MIR2052HG: variants seen among roughly 807,000 people sequenced by gnomAD.
MIR2052HG encodes the protein MIR2052 host gene.
chr8:74,707,043 A>G (rs1328284538), intron 4 of MIR2052HG, among the ~76,000 whole-genome samples: 2 of 152,170 alleles, frequency 1.3e-5, no homozygotes, highest in Admixed American at 6.6e-5. Flanking sequence ...GTGTTTGTCA[A>G]TGTGACTAGT....
chr8:74,682,938 C>T (rs1037918146), intron 2 of MIR2052HG, among the ~76,000 whole-genome samples: 4 of 152,088 alleles, frequency 2.6e-5, no homozygotes, highest in African/African-American at 9.7e-5. Flanking sequence ...GAATGAACCA[C>T]AAACACAGAA....
At chr8:74,612,046 G>C (rs767154147) in intron 1 of MIR2052HG, among the ~76,000 whole-genome samples, 12 of 148,080 alleles carry the variant, frequency 8.1e-5, no homozygotes, top group Non-Finnish European at 1.5e-4. Context: ...TTATCTTCAA[G>C]TGCTCCACTT....
intron 4 of MIR2052HG, among the ~76,000 whole-genome samples, chr8:74,734,468 G>A (rs75914073): frequency 0.02 from 3,012 of 152,220 alleles, 91 homozygotes; most frequent in African/African-American, 0.063. Flanking sequence ...TGATTTCTGA[G>A]ATATCCAAGA....
intron 2 of MIR2052HG, among the ~76,000 whole-genome samples, chr8:74,674,162 GTGTGTA>G (rs1809026124): frequency 7.5e-6 from 1 of 133,806 alleles, no homozygotes; most frequent in African/African-American, 3.2e-5. Flanking sequence ...GTGTGTGTGT[GTGTGTA>G]TCATTTATCT....
At chr8:74,702,849 C>A (rs1044519919) in intron 3 of MIR2052HG, among the ~76,000 whole-genome samples, 1 of 152,016 alleles carries the variant, frequency 6.6e-6, no homozygotes, top group Non-Finnish European at 1.5e-5. Context: ...AAGGAAATAA[C>A]CCAAAGGTAA....
At chr8:74,733,266 G>A (rs1273323862) in intron 4 of MIR2052HG, among the ~76,000 whole-genome samples, 1 of 151,760 alleles carries the variant, frequency 6.6e-6, no homozygotes, top group Admixed American at 6.6e-5. Context: ...AGAGTGTGAT[G>A]TTCCCCTTCC....
At chr8:74,708,223 G>A (rs923549277) in intron 4 of MIR2052HG, among the ~76,000 whole-genome samples, 13 of 152,212 alleles carry the variant, frequency 8.5e-5, no homozygotes, top group African/African-American at 3.1e-4. Flanking sequence ...TCTGCCAAAG[G>A]AGTCATCATC....
At chr8:74,756,596 A>G (rs1314915818) in intron 5 of MIR2052HG, 2 of 152,242 alleles carry the variant, frequency 1.3e-5, no homozygotes, top group Non-Finnish European at 2.9e-5. Context: ...TGTAACATTT[A>G]TATGCCCCAG....
At chr8:74,714,456 A>G (rs564642167) in intron 4 of MIR2052HG, among the ~76,000 whole-genome samples, 3 of 152,352 alleles carry the variant, frequency 2.0e-5, no homozygotes, top group Admixed American at 2.0e-4. Context: ...TGAAAGTTAT[A>G]TAGATTTAGT....
intron 2 of MIR2052HG, among the ~76,000 whole-genome samples, chr8:74,632,076 C>G (rs1274816858): frequency 2.0e-5 from 3 of 152,126 alleles, no homozygotes; most frequent in Non-Finnish European, 4.4e-5. Flanking sequence ...GCATACTCAG[C>G]AAGAGAAGCT....
intron 2 of MIR2052HG, among the ~76,000 whole-genome samples, chr8:74,650,975 A>G (rs1161447812): frequency 1.3e-5 from 2 of 152,170 alleles, no homozygotes; most frequent in South Asian, 2.1e-4. Flanking sequence ...GGCTTCCATC[A>G]TAAATCTATT....
chr8:74,696,683 A>G (rs1336264824), intron 2 of MIR2052HG, among the ~76,000 whole-genome samples: 1 of 152,094 alleles, frequency 6.6e-6, no homozygotes, highest in Non-Finnish European at 1.5e-5. Context: ...CAAGCCTACT[A>G]TGGACACCTC....
intron 2 of MIR2052HG, chr8:74,632,578 C>A (rs1014246959): frequency 9.2e-5 from 14 of 152,088 alleles, no homozygotes; most frequent in African/African-American, 3.4e-4. Flanking sequence ...TTTTAAACTT[C>A]AGGCTTAAAA....
At chr8:74,661,048 GA>G (rs1331113798) in intron 2 of MIR2052HG, among the ~76,000 whole-genome samples, 1 of 152,094 alleles carries the variant, frequency 6.6e-6, no homozygotes, top group Non-Finnish European at 1.5e-5. Context: ...CTGGAGTTTA[GA>G]AAACCCTCAA....
chr8:74,604,124 C>T (rs976863413), intron 1 of MIR2052HG: 10 of 896,988 alleles, frequency 1.1e-5, no homozygotes, highest in South Asian at 7.8e-5. Flanking sequence ...CCACTCTCCT[C>T]GCGCATCTTC....
intron 2 of MIR2052HG, among the ~76,000 whole-genome samples, chr8:74,635,370 C>A (rs761279348): frequency 6.6e-6 from 1 of 151,838 alleles, no homozygotes; most frequent in African/African-American, 2.4e-5. Context: ...ATTTTCAGCT[C>A]TTTGGGTATT....
intron 2 of MIR2052HG, among the ~76,000 whole-genome samples, chr8:74,649,300 C>T (rs1808728020): frequency 2.0e-5 from 3 of 152,076 alleles, no homozygotes; most frequent in African/African-American, 7.2e-5. Context: ...GCCTTGGATA[C>T]ATTTTTTTCT....
At chr8:74,651,080 G>A (rs1395184187) in intron 2 of MIR2052HG, among the ~76,000 whole-genome samples, 3 of 148,926 alleles carry the variant, frequency 2.0e-5, no homozygotes, top group Non-Finnish European at 3.0e-5. Context: ...GTATACGTTT[G>A]TTTCTTTCCT....
chr8:74,756,296 A>G (rs1034461583), intron 5 of MIR2052HG, among the ~76,000 whole-genome samples: 5 of 152,116 alleles, frequency 3.3e-5, no homozygotes, highest in Admixed American at 6.6e-5. Flanking sequence ...CCAAACTTCT[A>G]ATTGTGTGGT....
Sources: gnomAD v4.1 joint callset for allele counts (sites outside exome capture counted in the v4.1 genomes callset) on GRCh38, gnomAD v4.1.1 for gene constraint, MANE v1.5 for transcripts, NCBI Gene and HGNC (gene_info 2026-07-23, HGNC 2026-07-21) for gene names.